Variants in SPECC1 observed in about 807,000 individuals in gnomAD.
The protein encoded by SPECC1 is cytospin-B.
A neutral mutation model predicts 104.1 loss-of-function variants in SPECC1; 62 were observed. The observed-to-expected ratio is 0.60, with a 90% CI of 0.49 to 0.74. The LOEUF is 0.74. Among genes scored for constraint, SPECC1 ranks in the 30% least tolerant of loss-of-function variants. The pLI is 0.00. For missense variants in SPECC1, 1,306 were observed against 1,310.5 expected, an observed-to-expected ratio of 1.00 and a Z score of 0.05; for synonymous variants, 513 against 501.6, an observed-to-expected ratio of 1.02 and a Z score of -0.30.
intron 3 of SPECC1, among the ~76,000 whole-genome samples, chr17:20,179,551 A>G (rs933695809): frequency 7.9e-5 from 12 of 152,224 alleles, no homozygotes; most frequent in Middle Eastern, 3.2e-3. Context: ...AAGGTGGGAA[A>G]GTCCCCAGGC....
chr17:20,075,230 T>G (rs929237987), intron 1 of SPECC1, among the ~76,000 whole-genome samples: 3 of 152,144 alleles, frequency 2.0e-5, no homozygotes, highest in Non-Finnish European at 4.4e-5. Context: ...TTTTAAATGA[T>G]CTAAGTAATT....
At chr17:20,290,690 T>G (rs2041134607) in intron 12 of SPECC1, among the ~76,000 whole-genome samples, 1 of 152,090 alleles carries the variant, frequency 6.6e-6, no homozygotes, top group Admixed American at 6.6e-5. Context: ...AATTTTTAAA[T>G]TTTTTTGGTA....
chr17:20,262,434 T>A (rs1487722180), intron 12 of SPECC1, among the ~76,000 whole-genome samples: 1 of 152,230 alleles, frequency 6.6e-6, no homozygotes, highest in Non-Finnish European at 1.5e-5. Flanking sequence ...GAGAGATTTA[T>A]TTCTCTGCAT....
intron 3 of SPECC1, among the ~76,000 whole-genome samples, chr17:20,143,034 G>T (rs1366015634): frequency 6.6e-6 from 1 of 151,778 alleles, no homozygotes; most frequent in Non-Finnish European, 1.5e-5. Context: ...TGAGTTTTAT[G>T]TTACATATAT....
chr17:20,041,009 C>T (rs1208729730), intron 1 of SPECC1, among the ~76,000 whole-genome samples: 7 of 151,870 alleles, frequency 4.6e-5, no homozygotes, highest in Non-Finnish European at 1.0e-4. Context: ...TTCCCTCCCT[C>T]CTTCCCTTCC....
rs193172750 is a variant in SPECC1, at chr17:20,031,767, T to C, written c.-22+22343T>C. 9.2e-4 allele frequency among the ~76,000 whole-genome samples: 140 copies of C among 152,368 alleles called. No individual in the cohort carries two copies. The East Asian group carries it at 0.018, about 20-fold the overall frequency. On this transcript the variant is annotated intron_variant, in intron 1 of 14. Coordinates refer to ENST00000395527, the MANE Select transcript of SPECC1 (RefSeq NM_001243439.2). ...TGAAGTAATATGGTATTTGTCCTTTTGTGGCTGGCTTATTTCACTTAGCAT... is the reference window on the plus strand; with the variant it reads ...TGAAGTAATATGGTATTTGTCCTTTCGTGGCTGGCTTATTTCACTTAGCAT...
Position 20,099,694 on chromosome 17 carries a change from C to CAAA in SPECC1, c.147+2920_147+2922dup, listed in dbSNP as rs768172798. On this transcript the variant is annotated intron_variant, in intron 2 of 14. Transcript: ENST00000395527. Reference sequence around the variant, plus strand: ...TGGGTGACAGAGTGACACTCTATCTCAAAAAAAAAAAAAAAAAAAAAAAAA... The same window carrying CAAA: ...TGGGTGACAGAGTGACACTCTATCTCAAAAAAAAAAAAAAAAAAAAAAAAAAAA... Among the ~76,000 whole-genome samples the CAAA allele has an allele frequency of 3.2e-3, 56 of 17,426 alleles. 3 individuals are homozygous for CAAA. Among genetic ancestry groups the CAAA allele is most frequent in the African/African-American group, 9.4e-3 (52 of 5,534 alleles). 11.4% of individuals were successfully genotyped at this position (17,426 alleles called of 152,430 possible). A position where few individuals can be genotyped will look rare whatever the true frequency, so the allele number is the denominator to read the frequency against.
At chr17:20,233,623 C>T (rs1245834089) in intron 7 of SPECC1, among the ~76,000 whole-genome samples, 1 of 152,202 alleles carries the variant, frequency 6.6e-6, no homozygotes, top group Admixed American at 6.5e-5. Context: ...ATTCTTCTGC[C>T]TCAGCCTTCT....
chr17:20,078,338 C>A (rs899809739), intron 1 of SPECC1, among the ~76,000 whole-genome samples: 25 of 151,706 alleles, frequency 1.6e-4, no homozygotes, highest in Admixed American at 5.9e-4. Context: ...CAGCAATCAA[C>A]TAGAAAAAAC....
At chr17:20,306,252 G>T (rs2041761537) in intron 14 of SPECC1, 170 bp downstream of exon 14, 1 of 541,966 alleles carries the variant, frequency 1.8e-6, no homozygotes, top group Non-Finnish European at 3.2e-6. Context: ...ATCAACATAT[G>T]ATTTAGAGAT....
At chr17:20,153,452 G>A (rs78915802) in intron 3 of SPECC1, among the ~76,000 whole-genome samples, 6,589 of 152,260 alleles carry the variant, frequency 0.043, 163 homozygotes, top group Middle Eastern at 0.071. Context: ...TGATAATTCA[G>A]GTGGAGGAGC....
At chr17:20,068,315 A>G (rs1418526883) in intron 1 of SPECC1, among the ~76,000 whole-genome samples, 1 of 152,180 alleles carries the variant, frequency 6.6e-6, no homozygotes, top group Non-Finnish European at 1.5e-5. Context: ...ATGTATCGGT[A>G]CATTATTCCT....
rs187490337 is a variant in SPECC1, at chr17:20,024,267, T to C, written c.-22+14843T>C. ...TCAGGTTGTACAGCGTGGCTGAGTT[T>C]ACCACTTTTTAATTTCTCTGGCAAA... On this transcript the variant is annotated intron_variant, in intron 1 of 14. Coordinates refer to ENST00000395527, the MANE Select transcript of SPECC1 (RefSeq NM_001243439.2). Among the ~76,000 whole-genome samples, 99 of 152,358 alleles carry C rather than the reference T, an allele frequency of 6.5e-4. 2 individuals carry two copies. The South Asian group carries it at 0.019, about 30-fold the overall frequency.
chr17:20,252,958 T>C (rs529956496), intron 9 of SPECC1, among the ~76,000 whole-genome samples: 7 of 152,282 alleles, frequency 4.6e-5, no homozygotes, highest in African/African-American at 1.7e-4. Context: ...TTCTGCGTAA[T>C]GGCTGCACCA....
chr17:20,278,973 C>G (rs1299041398), intron 12 of SPECC1, among the ~76,000 whole-genome samples: 1 of 152,106 alleles, frequency 6.6e-6, no homozygotes, highest in Non-Finnish European at 1.5e-5. Context: ...GCTGTTTGTC[C>G]CCAGCTGAGG....
chr17:20,317,514 C>T lies in SPECC1; in HGVS notation c.*3449C>T, dbSNP rs1205387990. 1.1e-5 allele frequency: 2 copies of T among 185,432 alleles called. No homozygotes were observed. The highest frequency in any genetic ancestry group is 2.3e-5 in the Non-Finnish European group (2 of 87,676). The allele number at this position is 185,432 out of a possible 1,614,324, so 11.5% of individuals were successfully genotyped here. A position where few individuals can be genotyped will look rare whatever the true frequency, so the allele number is the denominator to read the frequency against. On this transcript the variant is annotated 3_prime_UTR_variant, in exon 15 of 15. Coordinates refer to ENST00000395527, the MANE Select transcript of SPECC1 (RefSeq NM_001243439.2). ...CCTCAAGTGATAAGCCTGCCTCAAC[C>T]TCCCAAAGTGCTGGGACTACAGGGG...
At chr17:20,042,096 T>C (rs1214310071) in intron 1 of SPECC1, among the ~76,000 whole-genome samples, 1 of 152,252 alleles carries the variant, frequency 6.6e-6, no homozygotes, top group Non-Finnish European at 1.5e-5. Flanking sequence ...TATTACGTTA[T>C]CAGACTCTAG....
chr17:20,247,372 A>G, intron 9 of SPECC1, 53 bp downstream of exon 9: 1 of 1,357,694 alleles, frequency 7.4e-7, no homozygotes, highest in Non-Finnish European at 1.0e-6. Context: ...GTATCCCTCT[A>G]GATGTTTTTC....
intron 3 of SPECC1, among the ~76,000 whole-genome samples, chr17:20,189,553 A>T (rs954349278): frequency 6.6e-6 from 1 of 152,112 alleles, no homozygotes; most frequent in Non-Finnish European, 1.5e-5. Flanking sequence ...CCATACCATT[A>T]TCTCTCCTCA....
Sources: allele counts gnomAD v4.1 joint callset (sites outside exome capture counted in the v4.1 genomes callset), GRCh38; gene constraint gnomAD v4.1.1; transcripts MANE v1.5; gene names NCBI Gene and HGNC (gene_info 2026-07-23, HGNC 2026-07-21).